The following ZKSCAN1 variants were observed in gnomAD, a reference collection of about 807,000 sequenced individuals.
ZKSCAN1 encodes zinc finger with KRAB and SCAN domains 1, also known as zinc finger protein with KRAB and SCAN domains 1.
Under a neutral mutation model 51.6 loss-of-function variants are expected in ZKSCAN1, and 14 were observed. That is an observed-to-expected ratio of 0.27 (90% CI 0.18 to 0.42). ZKSCAN1 has a LOEUF of 0.42. Ranked by LOEUF, ZKSCAN1 falls within the 10% of genes least tolerant of loss-of-function variation. ZKSCAN1 has a pLI of 1.00. For missense variants in ZKSCAN1, 531 were observed against 710.0 expected (o/e 0.75, Z 2.86); for synonymous variants, 263 against 261.5 (o/e 1.01, Z -0.06).
chr7:100,017,102 T>G (rs903163076), intron 1 of ZKSCAN1, among the ~76,000 whole-genome samples: 1 of 152,232 alleles, frequency 6.6e-6, no homozygotes. Context: ...ATTTTCATTC[T>G]GTGGGAGTAT....
intron 4 of ZKSCAN1, 147 bp from the exon 5 acceptor site, chr7:100,030,102 A>G (rs959255081): frequency 1.4e-6 from 2 of 1,393,884 alleles, no homozygotes; most frequent in Non-Finnish European, 2.0e-6. Flanking sequence ...TCTACCACAA[A>G]CTCCCCTCCA....
At chr7:100,042,797 G>GTT (rs1200823549), downstream of ZKSCAN1, among the ~76,000 whole-genome samples, 84 of 125,148 alleles carry the variant, frequency 6.7e-4, 1 homozygote, top group Non-Finnish European at 9.2e-4. Flanking sequence ...TAATTTTTGG[G>GTT]TTTTTTTTTT....
rs1344727265 is a variant in ZKSCAN1 at position 100,039,544 on chromosome 7, G to A, written c.*5347G>A. The A allele has an allele frequency of 8.1e-6, 8 of 985,230 alleles. No individual in the cohort carries two copies. Among genetic ancestry groups the A allele is most frequent in the Admixed American group, 6.2e-5 (1 of 16,254 alleles). The allele number at this position is 985,230 out of a possible 1,614,324, so 61.0% of individuals were successfully genotyped here. A position where few individuals can be genotyped will look rare whatever the true frequency, so the allele number is the denominator to read the frequency against. ...TAGGAGAGAGGTTTTGCAAAGACTC[G>A]TTGCTGTGAAAGAATCTTTTTTTAA... On this transcript the variant is annotated 3_prime_UTR_variant, in exon 6 of 6. Coordinates refer to ENST00000324306, the MANE Select transcript of ZKSCAN1 (RefSeq NM_003439.4).
At position 100,041,072 on chromosome 7, in the gene ZKSCAN1, G is replaced by GGTCAGCAT. The variant is rs1438331074; in HGVS notation, c.*6876_*6883dup. Reference sequence around the variant, plus strand: ...TAGTTAAATACAGATTTTACAACGAGGTCAGCATAAGCCTAAATCTATATA... The same window carrying GGTCAGCAT: ...TAGTTAAATACAGATTTTACAACGAGGTCAGCATGTCAGCATAAGCCTAAATCTATATA... On this transcript the variant is annotated 3_prime_UTR_variant, in exon 6 of 6. Coordinates refer to ENST00000324306, the MANE Select transcript of ZKSCAN1 (RefSeq NM_003439.4). 1 of 962,916 alleles carries GGTCAGCAT rather than the reference G, an allele frequency of 1.0e-6. No individual in the cohort carries two copies. The highest frequency in any genetic ancestry group is 1.2e-6 in the Non-Finnish European group (1 of 809,578). 59.6% of individuals were successfully genotyped at this position (962,916 alleles called of 1,614,324 possible). A position where few individuals can be genotyped will look rare whatever the true frequency, so the allele number is the denominator to read the frequency against.
At position 100,033,552 on chromosome 7, in the gene ZKSCAN1, G is replaced by A. The variant is rs1469928399; in HGVS notation, c.1047G>A (p.Glu349=). 3 of 1,614,172 alleles carry A rather than the reference G, an allele frequency of 1.9e-6. No homozygotes were observed. Among genetic ancestry groups the A allele is most frequent in the Non-Finnish European group, 2.5e-6 (3 of 1,180,030 alleles). ...TCACAGGAGAGAGAGGTCCAAGGGAGAAGGGGAAAGGATTGGGAAGAAGCT... is the reference window on the plus strand; with the variant it reads ...TCACAGGAGAGAGAGGTCCAAGGGAAAAGGGGAAAGGATTGGGAAGAAGCT... The part of the protein sequence containing the change: ...KTITGERGPR[E]KGKGLGRSFS... Residue 349 remains glutamate (E), a synonymous_variant, in exon 6 of 6, where the codon GAG becomes GAA. Transcript: ENST00000324306. The surrounding 1 kb of genome is among the most constrained non-coding windows in gnomAD (Gnocchi z 4.1).
chr7:100,024,345 T>C (rs369864631), intron 3 of ZKSCAN1, 38 bp downstream of exon 3: 24 of 1,607,994 alleles, frequency 1.5e-5, no homozygotes, highest in Non-Finnish European at 1.9e-5. Context: ...AGGGAAATGA[T>C]TCAGGACGAG....
At position 100,023,388 on chromosome 7, in the gene ZKSCAN1, A is replaced by G. The variant is rs1790673315; in HGVS notation, c.-88-31A>G. 2.6e-6 allele frequency: 3 copies of G among 1,140,614 alleles called. No homozygotes were observed. In the South Asian group the frequency reaches 4.6e-5, roughly 17 times the overall value. The allele number at this position is 1,140,614 out of a possible 1,614,324, so 70.7% of individuals were successfully genotyped here. A position where few individuals can be genotyped will look rare whatever the true frequency, so the allele number is the denominator to read the frequency against. On this transcript the variant is annotated intron_variant, in intron 1 of 5. Transcript: ENST00000324306. ...AGCACAGATCACTTTTTGTAAAGGT[A>G]CGTACTAATGACTTTTTTTTTATAC...
chr7:100,023,200 G>A lies in ZKSCAN1; in HGVS notation c.-88-219G>A, dbSNP rs757230791. On this transcript the variant is annotated intron_variant, in intron 1 of 5. Transcript: ENST00000324306. ...TGACTTTTGTATTTTTAGTAGAGAC[G>A]GGGTTTCACCATGTTGGCCAGGCTG... Among the ~76,000 whole-genome samples the A allele has an allele frequency of 9.2e-5, 14 of 151,938 alleles. 1 individual carries two copies. Among genetic ancestry groups the A allele is most frequent in the Non-Finnish European group, 1.6e-4 (11 of 67,996 alleles).
At chr7:100,042,259 CAGTGAGCCG>C (rs1444989464), downstream of ZKSCAN1, among the ~76,000 whole-genome samples, 1 of 146,188 alleles carries the variant, frequency 6.8e-6, no homozygotes, top group Non-Finnish European at 1.5e-5. Context: ...GGGGAGGTTG[CAGTGAGCCG>C]AGATCGCACC....
intron 1 of ZKSCAN1, 78 bp from the exon 2 acceptor site, chr7:100,023,341 C>A: frequency 1.3e-6 from 1 of 749,718 alleles, no homozygotes; most frequent in Non-Finnish European, 2.1e-6. Context: ...CCTCGATGTG[C>A]TGCCTCCTAT....
At chr7:100,020,523 A>G (rs1479619870) in intron 1 of ZKSCAN1, among the ~76,000 whole-genome samples, 1 of 152,128 alleles carries the variant, frequency 6.6e-6, no homozygotes, top group African/African-American at 2.4e-5. Context: ...AAAAAAAATA[A>G]GTATGGCCTG....
At chr7:100,027,561 T>A (rs879875786) in intron 3 of ZKSCAN1, among the ~76,000 whole-genome samples, 8 of 151,280 alleles carry the variant, frequency 5.3e-5, no homozygotes, top group Admixed American at 2.6e-4. Context: ...CCATCCTGGC[T>A]AACGGTGAAA....
rs773220303 is a variant in ZKSCAN1, at chr7:100,023,552, G to C, written c.46G>C (p.Ala16Pro). 3 of 1,613,232 alleles carry C rather than the reference G, an allele frequency of 1.9e-6. No homozygotes were observed. The highest frequency in any genetic ancestry group is 8.5e-7 in the Non-Finnish European group (1 of 1,180,010). Residue 16 changes from alanine to proline, a missense_variant, in exon 2 of 6, where the codon GCT becomes CCT. Ala to Pro is a conservative substitution (Grantham distance 27, BLOSUM62 -1). This residue lies in a region of ZKSCAN1 where 403 missense variants were observed against 490.5 expected (regional missense o/e 0.82). Transcript: ENST00000324306. The stretch of plus-strand genomic sequence containing the variant: ...GGAAGCCACGGGTCTGTCCCCACAG[G>C]CTGCACAGGAGAAGGATGGTATCGT... ...SREATGLSPQ[A>P]AQEKDGIVIV...
chr7:100,027,894 G>C (rs1245357220), intron 3 of ZKSCAN1, among the ~76,000 whole-genome samples: 1 of 151,918 alleles, frequency 6.6e-6, no homozygotes, highest in Non-Finnish European at 1.5e-5. Context: ...TTAAGCACTA[G>C]ATTATAGAGT....
intron 3 of ZKSCAN1, among the ~76,000 whole-genome samples, chr7:100,027,667 G>A (rs1248768069): frequency 6.7e-6 from 1 of 149,380 alleles, no homozygotes. Flanking sequence ...AGAATGGCGT[G>A]AACCCGGGAG....
chr7:100,040,604 A>G lies in ZKSCAN1; in HGVS notation c.*6407A>G, dbSNP rs1484729082. ...GTCCAAGCAGCCACAGTTGCCCTAA[A>G]TCTCCATCATTAAGTCTTCCAGCAA... On this transcript the variant is annotated 3_prime_UTR_variant, in exon 6 of 6. Coordinates refer to ENST00000324306, the MANE Select transcript of ZKSCAN1 (RefSeq NM_003439.4). The G allele has an allele frequency of 7.1e-6, 7 of 985,286 alleles. No individual in the cohort carries two copies. Among genetic ancestry groups the G allele is most frequent in the African/African-American group, 1.7e-5 (1 of 57,216 alleles). The allele number at this position is 985,286 out of a possible 1,614,324, so 61.0% of individuals were successfully genotyped here. A position where few individuals can be genotyped will look rare whatever the true frequency, so the allele number is the denominator to read the frequency against.
At chr7:100,016,117 C>A (rs1790349727) in intron 1 of ZKSCAN1, among the ~76,000 whole-genome samples, 1 of 151,964 alleles carries the variant, frequency 6.6e-6, no homozygotes, top group African/African-American at 2.4e-5. Context: ...TGCTTTGATT[C>A]CGGTGAGGTG....
At position 100,023,462 on chromosome 7, in the gene ZKSCAN1, G is replaced by GTGAGT; in HGVS notation, c.-41_-40insTTGAG. ...TCATAAAACCTCCCAGGACATAAAG[G>GTGAGT]TGAGCACAGACCCTGTTTGGATCAA... is the stretch of plus-strand genomic sequence containing the variant. On this transcript the variant is annotated 5_prime_UTR_variant, in exon 2 of 6. Coordinates refer to ENST00000324306, the MANE Select transcript of ZKSCAN1 (RefSeq NM_003439.4). The GTGAGT allele has an allele frequency of 6.4e-7, 1 of 1,558,774 alleles. No homozygotes were observed. Among genetic ancestry groups the GTGAGT allele is most frequent in the Non-Finnish European group, 8.7e-7 (1 of 1,155,976 alleles).
chr7:100,043,659 G>C (rs1181922930), downstream of ZKSCAN1, among the ~76,000 whole-genome samples: 1 of 151,668 alleles, frequency 6.6e-6, no homozygotes, highest in Non-Finnish European at 1.5e-5. Context: ...ATATTCATGA[G>C]CCACCATGCA....
Sources: allele counts gnomAD v4.1 joint callset (sites outside exome capture counted in the v4.1 genomes callset), GRCh38; gene constraint gnomAD v4.1.1; regional missense constraint gnomAD v4.1.1; non-coding constraint Gnocchi (gnomAD v3.1); transcripts MANE v1.5; gene names NCBI Gene and HGNC (gene_info 2026-07-23, HGNC 2026-07-21).